The following SPATA31H1 variants were observed in gnomAD, a reference collection of about 807,000 sequenced individuals.
SPATA31H1 encodes spermatogenesis-associated protein 31H1.
the SPATA31H1 span, among the ~76,000 whole-genome samples, chr2:27,563,411 T>TTTTTTG: frequency 8.1e-6 from 1 of 123,304 alleles, no homozygotes; most frequent in Non-Finnish European, 1.8e-5. Flanking sequence ...TTTTTTTTTT[T>TTTTTTG]GAGACAGGGT....
At chr2:27,568,292 G>A in the SPATA31H1 span, 6 of 398,898 alleles carry the variant, frequency 1.5e-5, no homozygotes, top group Middle Eastern at 6.3e-4. Context: ...ATGCAGTTAC[G>A]GAAACTGTGG....
At chr2:27,562,635 C>T in the SPATA31H1 span, among the ~76,000 whole-genome samples, 2 of 150,750 alleles carry the variant, frequency 1.3e-5, no homozygotes, top group African/African-American at 4.9e-5. Context: ...GCCTGTAATC[C>T]TAGCACTTTG....
At chr2:27,582,351 A>G in the SPATA31H1 span, 9 of 1,614,092 alleles carry the variant, frequency 5.6e-6, no homozygotes, top group Non-Finnish European at 7.6e-6. Flanking sequence ...GAACCATTGC[A>G]GTCCCTCTGA....
chr2:27,561,541 G>A, the SPATA31H1 span, among the ~76,000 whole-genome samples: 21 of 152,038 alleles, frequency 1.4e-4, no homozygotes, highest in Non-Finnish European at 2.4e-4. Flanking sequence ...TTTCCTTAAG[G>A]AGTTCTCTGC....
At chr2:27,575,006 T>C in the SPATA31H1 span, 5 of 398,436 alleles carry the variant, frequency 1.3e-5, no homozygotes, top group Non-Finnish European at 8.8e-6. This position sits in a 1 kb window ranked among gnomAD's most constrained non-coding sequence, Gnocchi z 4.1. Flanking sequence ...AGGTACAGGA[T>C]AGGACATCTT....
chr2:27,579,059 G>A, the SPATA31H1 span: 2 of 1,614,140 alleles, frequency 1.2e-6, no homozygotes, highest in East Asian at 2.2e-5. Context: ...CTAAGAGGAA[G>A]CAAATGGAGG....
the SPATA31H1 span, among the ~76,000 whole-genome samples, chr2:27,564,390 C>G: frequency 6.6e-6 from 1 of 152,188 alleles, no homozygotes; most frequent in Non-Finnish European, 1.5e-5. Context: ...CAAATCCCTT[C>G]TGACTGACAC....
chr2:27,576,174 A>G, the SPATA31H1 span: 1 of 405,782 alleles, frequency 2.5e-6, no homozygotes. Context: ...AGAATCAGGG[A>G]CAAAATTTCA....
chr2:27,574,871 A>G, the SPATA31H1 span: 1 of 398,540 alleles, frequency 2.5e-6, no homozygotes, highest in Non-Finnish European at 4.4e-6. Flanking sequence ...GTTCTGGATC[A>G]CACTTGCAAG....
At chr2:27,562,861 TG>T in the SPATA31H1 span, among the ~76,000 whole-genome samples, 3 of 150,950 alleles carry the variant, frequency 2.0e-5, no homozygotes, top group African/African-American at 7.3e-5. Flanking sequence ...CACTCCAGCC[TG>T]GACGACAGAG....
the SPATA31H1 span, chr2:27,573,603 AT>A: frequency 5.0e-6 from 2 of 398,402 alleles, no homozygotes; most frequent in Non-Finnish European, 8.8e-6. Flanking sequence ...ATGTGGCCCA[AT>A]TTCAACATCA....
the SPATA31H1 span, chr2:27,580,473 A>G: frequency 6.2e-7 from 1 of 1,614,248 alleles, no homozygotes. Context: ...TAGAAAACAC[A>G]GAAAGTTCTA....
chr2:27,576,760 T>C, the SPATA31H1 span: 1 of 1,614,012 alleles, frequency 6.2e-7, no homozygotes, highest in Non-Finnish European at 8.5e-7. Context: ...GTGAAATCTT[T>C]GGAGTTTACT....
chr2:27,575,205 G>C, the SPATA31H1 span: 1 of 398,546 alleles, frequency 2.5e-6, no homozygotes, highest in Non-Finnish European at 4.4e-6. This position sits in a 1 kb window ranked among gnomAD's most constrained non-coding sequence, Gnocchi z 4.1. Flanking sequence ...ATTGCAGGTT[G>C]CAAAACTCTC....
chr2:27,553,594 G>A, the SPATA31H1 span, among the ~76,000 whole-genome samples: 2 of 152,018 alleles, frequency 1.3e-5, no homozygotes, highest in Non-Finnish European at 2.9e-5. Context: ...ACAAACAGGA[G>A]AACCAAGGCA....
At chr2:27,563,381 A>ATTT in the SPATA31H1 span, among the ~76,000 whole-genome samples, 1 of 73,924 alleles carries the variant, frequency 1.4e-5, no homozygotes, top group Admixed American at 2.1e-4. Flanking sequence ...TTCCTCTTCT[A>ATTT]CTTCTTTTTT....
the SPATA31H1 span, among the ~76,000 whole-genome samples, chr2:27,541,173 G>A: frequency 1.3e-5 from 2 of 151,348 alleles, no homozygotes; most frequent in South Asian, 2.1e-4. Context: ...GATCACTCGC[G>A]GCTAGGAGCT....
the SPATA31H1 span, chr2:27,578,231 G>A: frequency 6.2e-7 from 1 of 1,614,120 alleles, no homozygotes; most frequent in Non-Finnish European, 8.5e-7. Flanking sequence ...GACCTTCAGA[G>A]CACCACACAG....
chr2:27,579,510 C>T, the SPATA31H1 span: 44 of 1,614,050 alleles, frequency 2.7e-5, no homozygotes, highest in Admixed American at 5.0e-5. Flanking sequence ...GATATGGACA[C>T]GTGGCTCCAC....
Sources: gnomAD v4.1 joint callset for allele counts (sites outside exome capture counted in the v4.1 genomes callset) on GRCh38, gnomAD v4.1.1 for gene constraint, Gnocchi (gnomAD v3.1) non-coding constraint, MANE v1.5 for transcripts, NCBI Gene and HGNC (gene_info 2026-07-23, HGNC 2026-07-21) for gene names.